The following WASHC4 variants were observed in gnomAD, a reference collection of about 807,000 sequenced individuals.
WASHC4 encodes the protein WASH complex subunit 4, also known as WASH complex subunit 7.
WASHC4 carries 86 observed loss-of-function variants against 166.6 expected under a neutral mutation model. That is an observed-to-expected ratio of 0.52 (90% CI 0.43 to 0.62). WASHC4 has a LOEUF of 0.62. WASHC4 is among the 20% of genes least tolerant of loss of function. The pLI is 0.00. For missense variants in WASHC4, 1,262 were observed against 1,382.4 expected, an observed-to-expected ratio of 0.91 and a Z score of 1.38; for synonymous variants, 446 against 451.6, an observed-to-expected ratio of 0.99 and a Z score of 0.16.
At position 105,111,241 on chromosome 12, in the gene WASHC4, A is replaced by G; in HGVS notation, c.178A>G (p.Asn60Asp). 2.5e-6 allele frequency: 4 copies of G among 1,609,758 alleles called. No homozygotes were observed. The highest frequency in any genetic ancestry group is 3.4e-6 in the Non-Finnish European group (4 of 1,176,766). ...CTCAATTGGAGATGTTTGGGATTTC[A>G]ATCTTGATCCTATAGCATTAAAGGT... ...DDSIGDVWDF[N>D]LDPIALKLLP... The change falls in exon 2 of 33, where the codon AAT becomes GAT. Residue 60 changes from asparagine (N) to aspartate (D), a missense_variant. Asn to Asp is a conservative substitution (Grantham distance 23). Coordinates refer to ENST00000332180, the MANE Select transcript of WASHC4 (RefSeq NM_015275.3).
intron 16 of WASHC4, 121 bp from the exon 17 acceptor site, chr12:105,140,778 G>T (rs1426747580): frequency 3.1e-6 from 3 of 980,388 alleles, no homozygotes; most frequent in Non-Finnish European, 4.7e-6. Flanking sequence ...AAGCTTAAAT[G>T]GGGAAAGTAT....
chr12:105,168,411 T>G lies in WASHC4; in HGVS notation c.*1480T>G, dbSNP rs565055650. On this transcript the variant is annotated 3_prime_UTR_variant, in exon 33 of 33. Transcript: ENST00000332180. ...AGAAATGGCCCTAAAGCATGCTGCA[T>G]AATTAATAATTTATATTTTCATTAT... The G allele has an allele frequency of 6.6e-6, 1 of 151,968 alleles. No homozygotes were observed. The highest frequency in any genetic ancestry group is 1.5e-5 in the Non-Finnish European group (1 of 67,730). The allele number at this position is 151,968 out of a possible 1,614,324, so 9.4% of individuals were successfully genotyped here. A position where few individuals can be genotyped will look rare whatever the true frequency, so the allele number is the denominator to read the frequency against.
chr12:105,114,350 T>TC lies in WASHC4; in HGVS notation c.256-11dup. 1 of 1,599,630 alleles carries TC rather than the reference T, an allele frequency of 6.3e-7. No individual in the cohort carries two copies. On this transcript the variant is annotated splice_polypyrimidine_tract_variant and intron_variant, in intron 3 of 32. Coordinates refer to ENST00000332180, the MANE Select transcript of WASHC4 (RefSeq NM_015275.3). ...AATTTACTTTTTATTTTGTTTTTAC[T>TC]CATGAAACTAGGTCTTAAACAAAGT...
In WASHC4 at chr12:105,157,257, T is replaced by C; in HGVS notation, c.2847T>C (p.Asp949=). The C allele has an allele frequency of 6.5e-7, 1 of 1,543,908 alleles. No homozygotes were observed. Among genetic ancestry groups the C allele is most frequent in the Non-Finnish European group, 8.9e-7 (1 of 1,118,984 alleles). The stretch of plus-strand genomic sequence containing the variant: ...GTAGATTTGTTCCTGATCTTGAAGA[T>C]ATTGTAAATTTTGAAGAACTAGTAA... ...NAIRFVPDLE[D]IVNFEELVKE... Residue 949 remains aspartate (D), a synonymous_variant, in exon 28 of 33, where the codon GAT becomes GAC. Coordinates refer to ENST00000332180, the MANE Select transcript of WASHC4 (RefSeq NM_015275.3).
chr12:105,118,585 T>A, intron 7 of WASHC4, 57 bp downstream of exon 7: 2 of 992,022 alleles, frequency 2.0e-6, no homozygotes, highest in South Asian at 2.6e-5. Context: ...AAATGTTCTT[T>A]CTAAAATTAA....
intron 13 of WASHC4, among the ~76,000 whole-genome samples, chr12:105,131,569 A>G (rs1315057844): frequency 2.0e-5 from 3 of 152,104 alleles, no homozygotes; most frequent in Non-Finnish European, 4.4e-5. Context: ...CTCATCAGGG[A>G]GAGTTCCATA....
intron 7 of WASHC4, among the ~76,000 whole-genome samples, chr12:105,119,880 T>G (rs1880562661): frequency 6.6e-6 from 1 of 152,234 alleles, no homozygotes; most frequent in Admixed American, 6.5e-5. Context: ...TAGTATGCAC[T>G]GTTTTTCAGT....
At chr12:105,155,154 G>GT (rs1362763764) in intron 26 of WASHC4, 1 of 152,284 alleles carries the variant, frequency 6.6e-6, no homozygotes, top group East Asian at 1.9e-4. Context: ...GACAAAGGCT[G>GT]TACTCATGGA....
At chr12:105,139,127 T>A (rs946006937) in intron 15 of WASHC4, among the ~76,000 whole-genome samples, 10 of 152,198 alleles carry the variant, frequency 6.6e-5, no homozygotes, top group South Asian at 2.1e-4. Flanking sequence ...TTTGATCCAT[T>A]TTTTTATTCA....
chr12:105,158,594 C>T (rs1456104758), intron 28 of WASHC4, among the ~76,000 whole-genome samples: 3 of 152,072 alleles, frequency 2.0e-5, no homozygotes, highest in African/African-American at 7.2e-5. Flanking sequence ...CTGATAATCA[C>T]ATGTAATGGG....
At chr12:105,144,493 T>A in intron 21 of WASHC4, 38 bp downstream of exon 21, 3 of 165,476 alleles carry the variant, frequency 1.8e-5, no homozygotes, top group Admixed American at 7.1e-5. Flanking sequence ...TCATATTCTC[T>A]TTTTTTTTTT....
intron 21 of WASHC4, 86 bp downstream of exon 21, chr12:105,144,541 T>C: frequency 7.6e-7 from 1 of 1,311,498 alleles, no homozygotes; most frequent in East Asian, 2.3e-5. Flanking sequence ...TGAGGGTATA[T>C]TTAAATTTTG....
At position 105,115,733 on chromosome 12, in the gene WASHC4, C is replaced by T; in HGVS notation, c.435+5C>T. 1 of 1,568,084 alleles carries T rather than the reference C, an allele frequency of 6.4e-7. No homozygotes were observed. The highest frequency in any genetic ancestry group is 8.8e-7 in the Non-Finnish European group (1 of 1,138,330). On this transcript the variant is annotated splice_donor_5th_base_variant and intron_variant, in intron 6 of 32. Transcript: ENST00000332180. ...AGATTTATTTCATTCTTACAGGTAACTGATTTTTACTTTCTACTGAGCTTT... is the reference window on the plus strand; with the variant it reads ...AGATTTATTTCATTCTTACAGGTAATTGATTTTTACTTTCTACTGAGCTTT...
chr12:105,132,986 C>CTT (rs1442274329), intron 13 of WASHC4, among the ~76,000 whole-genome samples: 5 of 152,100 alleles, frequency 3.3e-5, no homozygotes, highest in Non-Finnish European at 7.4e-5. Flanking sequence ...GGTTTTCCTG[C>CTT]TTTTACCATT....
intron 13 of WASHC4, among the ~76,000 whole-genome samples, chr12:105,131,098 G>C (rs1232635294): frequency 7.7e-6 from 1 of 129,638 alleles, no homozygotes; most frequent in Non-Finnish European, 1.7e-5. Context: ...TTTTTTTTTT[G>C]AGACGGAGTC....
At chr12:105,114,014 G>A (rs966928420) in intron 2 of WASHC4, among the ~76,000 whole-genome samples, 7 of 151,926 alleles carry the variant, frequency 4.6e-5, no homozygotes, top group African/African-American at 1.4e-4. Flanking sequence ...AAGTAGAGTC[G>A]TGATTGTGTC....
chr12:105,160,152 A>G lies in WASHC4; in HGVS notation c.3060+4A>G. ...CTATATAATTGTTCCCCCTCTGGTG[A>G]GTATTTCCAGAACCTAAAATGAATT... On this transcript the variant is annotated splice_donor_region_variant and intron_variant, in intron 29 of 32. Coordinates refer to ENST00000332180, the MANE Select transcript of WASHC4 (RefSeq NM_015275.3). The G allele has an allele frequency of 6.2e-7, 1 of 1,612,036 alleles. No homozygotes were observed. The highest frequency in any genetic ancestry group is 8.5e-7 in the Non-Finnish European group (1 of 1,178,352).
chr12:105,168,753 C>A lies in WASHC4; in HGVS notation c.*1822C>A, dbSNP rs1326971252. 1 of 151,894 alleles carries A rather than the reference C, an allele frequency of 6.6e-6. No homozygotes were observed. Among genetic ancestry groups the A allele is most frequent in the African/African-American group, 2.4e-5 (1 of 41,378 alleles). The allele number at this position is 151,894 out of a possible 1,614,324, so 9.4% of individuals were successfully genotyped here. A position where few individuals can be genotyped will look rare whatever the true frequency, so the allele number is the denominator to read the frequency against. On this transcript the variant is annotated 3_prime_UTR_variant, in exon 33 of 33. Coordinates refer to ENST00000332180, the MANE Select transcript of WASHC4 (RefSeq NM_015275.3). The stretch of plus-strand genomic sequence containing the variant: ...CTGCTATCTGGATAAATTATAAGTT[C>A]ATATATTTGAAATAAGATCCTGGAA...
At position 105,141,176 on chromosome 12, in the gene WASHC4, A is replaced by G. The variant is rs778570154; in HGVS notation, c.1717A>G (p.Lys573Glu). Reference protein sequence around the residue: ...LSVGTQMKTFKDEELFPLQVV... With the variant: ...LSVGTQMKTFEDEELFPLQVV... ...TTCCTGTCCCTGATAGAAAACATTT[A>G]AAGATGAAGAACTCTTTCCACTTCA... The change falls in exon 18 of 33, where the codon AAA becomes GAA. Residue 573 changes from lysine to glutamate, a missense_variant. Physicochemically the swap from Lys to Glu is moderately conservative, Grantham distance 56. Transcript: ENST00000332180. The G allele has an allele frequency of 6.2e-7, 1 of 1,613,396 alleles. No homozygotes were observed. Among genetic ancestry groups the G allele is most frequent in the Non-Finnish European group, 8.5e-7 (1 of 1,179,314 alleles).
Sources: gnomAD v4.1 joint callset for allele counts (sites outside exome capture counted in the v4.1 genomes callset) on GRCh38, gnomAD v4.1.1 for gene constraint, MANE v1.5 for transcripts, NCBI Gene and HGNC (gene_info 2026-07-23, HGNC 2026-07-21) for gene names.